The following PHACTR3 variants were observed in gnomAD, a reference collection of about 807,000 sequenced individuals.
PHACTR3 encodes the protein phosphatase and actin regulator 3, also known as protein phosphatase 1, regulatory subunit 123.
In PHACTR3, 16 loss-of-function variants were observed where a neutral mutation model predicts 66.8. The observed-to-expected ratio is 0.24, with a 90% CI of 0.16 to 0.36. The LOEUF (loss-of-function observed/expected upper bound fraction) is 0.36. PHACTR3 is among the 10% of genes least tolerant of loss of function. The probability of loss-of-function intolerance (pLI) is 1.00; values close to 1 mark genes in which losing one functional copy is unlikely to be tolerated. For synonymous variants in PHACTR3, 323 were observed against 292.1 expected, an observed-to-expected ratio of 1.11 and a Z score of -1.08; for missense variants, 647 against 719.9, an observed-to-expected ratio of 0.90 and a Z score of 1.16.
chr20:59,643,901 C>T (rs2035190647), intron 1 of PHACTR3, among the ~76,000 whole-genome samples: 1 of 152,172 alleles, frequency 6.6e-6, no homozygotes, highest in Admixed American at 6.5e-5. Flanking sequence ...GGCAGGCATT[C>T]GGTCCTGCTT....
chr20:59,677,475 A>G (rs2036489625), intron 1 of PHACTR3, among the ~76,000 whole-genome samples: 1 of 152,190 alleles, frequency 6.6e-6, no homozygotes, highest in African/African-American at 2.4e-5. Flanking sequence ...GTTGGGGCCC[A>G]AGAAGGCGAT....
chr20:59,677,321 G>A (rs1223411936), intron 1 of PHACTR3, among the ~76,000 whole-genome samples: 1 of 152,164 alleles, frequency 6.6e-6, no homozygotes, highest in Non-Finnish European at 1.5e-5. Context: ...GTCCTTCCGG[G>A]ATCTCCACCA....
chr20:59,591,527 G>A (rs372957640), intron 1 of PHACTR3, among the ~76,000 whole-genome samples: 10 of 152,158 alleles, frequency 6.6e-5, no homozygotes, highest in South Asian at 2.1e-4. Flanking sequence ...ACCAGGGACC[G>A]CTTTGTGGCA....
upstream of PHACTR3, among the ~76,000 whole-genome samples, chr20:59,602,428 CA>C (rs2033505346): frequency 1.4e-5 from 1 of 69,630 alleles, no homozygotes; most frequent in Non-Finnish European, 3.0e-5. Flanking sequence ...GAAAACAGAG[CA>C]AAACTCTTTC....
chr20:59,839,173 G>C lies in PHACTR3; in HGVS notation c.1385-1196G>C, dbSNP rs1040902847. On this transcript the variant is annotated intron_variant, in intron 9 of 12. Coordinates refer to ENST00000371015, the MANE Select transcript of PHACTR3 (RefSeq NM_080672.5). ...AATCCCTCATGGCTTGCCTTGTCTG[G>C]ACACTTTCACAATGTCTCTCTAATT... Among the ~76,000 whole-genome samples the C allele has an allele frequency of 5.9e-5, 9 of 152,094 alleles. No individual in the cohort carries two copies. In the East Asian group the frequency reaches 1.7e-3, roughly 29 times the overall value.
rs540234569 is a variant in PHACTR3 at position 59,738,947 on chromosome 20, T to G, written c.119-4160T>G. ...AGGACAGCAGGCTTTCCCAGGGCCA[T>G]GTGGAGTCACAGTCTTGCTCCCATC... On this transcript the variant is annotated intron_variant, in intron 1 of 12. Coordinates refer to ENST00000371015, the MANE Select transcript of PHACTR3 (RefSeq NM_080672.5). This position sits in a 1 kb window ranked among gnomAD's most constrained non-coding sequence, Gnocchi z 4.4. Among the ~76,000 whole-genome samples the G allele has an allele frequency of 1.1e-4, 17 of 152,154 alleles. No homozygotes were observed. Among genetic ancestry groups the G allele is most frequent in the African/African-American group, 3.9e-4 (16 of 41,546 alleles).
chr20:59,785,843 C>T (rs1273132396), intron 7 of PHACTR3, among the ~76,000 whole-genome samples: 4 of 117,984 alleles, frequency 3.4e-5, no homozygotes, highest in African/African-American at 6.4e-5. Flanking sequence ...TGTTTTCCAG[C>T]AGCCCTCTGC....
intron 1 of PHACTR3, among the ~76,000 whole-genome samples, chr20:59,578,818 C>G (rs1416601809): frequency 6.6e-6 from 1 of 152,212 alleles, no homozygotes; most frequent in Non-Finnish European, 1.5e-5. Context: ...GCCAGGCCTT[C>G]TGTGGTGCCC....
chr20:59,806,325 C>A, intron 8 of PHACTR3, 131 bp downstream of exon 8: 1 of 1,203,074 alleles, frequency 8.3e-7, no homozygotes, highest in Non-Finnish European at 1.2e-6. Context: ...TCTCTTGACC[C>A]CGCCACCGTT....
chr20:59,613,106 A>G (rs1180965685), intron 1 of PHACTR3, among the ~76,000 whole-genome samples: 1 of 152,234 alleles, frequency 6.6e-6, no homozygotes, highest in African/African-American at 2.4e-5. Flanking sequence ...TTCCATTTCA[A>G]CATGAGATTT....
At chr20:59,644,884 C>T (rs1179423396) in intron 1 of PHACTR3, among the ~76,000 whole-genome samples, 3 of 152,070 alleles carry the variant, frequency 2.0e-5, no homozygotes, top group Non-Finnish European at 4.4e-5. Flanking sequence ...ATTTTAGGTT[C>T]TGGAGGTACA....
intron 1 of PHACTR3, among the ~76,000 whole-genome samples, chr20:59,583,779 G>A (rs1018255709): frequency 2.0e-5 from 3 of 152,242 alleles, no homozygotes; most frequent in South Asian, 2.1e-4. Context: ...CAGGGTTTGC[G>A]TTGTGGGCTT....
At chr20:59,711,430 T>C (rs931952681) in intron 1 of PHACTR3, among the ~76,000 whole-genome samples, 1 of 152,194 alleles carries the variant, frequency 6.6e-6, no homozygotes, top group African/African-American at 2.4e-5. Context: ...TCTTTTCCAA[T>C]CTGATGAGTT....
At chr20:59,705,102 G>T (rs978450200) in intron 1 of PHACTR3, among the ~76,000 whole-genome samples, 1 of 151,862 alleles carries the variant, frequency 6.6e-6, no homozygotes, top group Non-Finnish European at 1.5e-5. Flanking sequence ...GATTACAGGT[G>T]TGCACCACCA....
chr20:59,661,686 G>C (rs1210992607), intron 1 of PHACTR3, among the ~76,000 whole-genome samples: 1 of 151,664 alleles, frequency 6.6e-6, no homozygotes, highest in Non-Finnish European at 1.5e-5. Flanking sequence ...TGTGGCCAGA[G>C]ATGCCAATAC....
At chr20:59,803,684 A>T (rs1292016576) in intron 7 of PHACTR3, among the ~76,000 whole-genome samples, 2 of 152,220 alleles carry the variant, frequency 1.3e-5, no homozygotes, top group Admixed American at 1.3e-4. Flanking sequence ...TTCAGATGGA[A>T]CAGATGCATC....
chr20:59,834,562 G>T (rs1568869547), intron 8 of PHACTR3, among the ~76,000 whole-genome samples: 1 of 152,208 alleles, frequency 6.6e-6, no homozygotes, highest in African/African-American at 2.4e-5. Flanking sequence ...TCTCTCAGAA[G>T]TTTCCTCTTC....
intron 7 of PHACTR3, among the ~76,000 whole-genome samples, chr20:59,788,184 A>G (rs1379991185): frequency 1.3e-5 from 2 of 152,126 alleles, no homozygotes; most frequent in African/African-American, 4.8e-5. Flanking sequence ...GCTCCCACAC[A>G]TAAGTGAGAA....
intron 1 of PHACTR3, among the ~76,000 whole-genome samples, chr20:59,722,339 G>A (rs2038347758): frequency 6.6e-6 from 1 of 152,188 alleles, no homozygotes; most frequent in Non-Finnish European, 1.5e-5. Context: ...GGGCATTCAG[G>A]GGTGAGGAGT....
Sources: gnomAD v4.1 joint callset for allele counts (sites outside exome capture counted in the v4.1 genomes callset) on GRCh38, gnomAD v4.1.1 for gene constraint, Gnocchi (gnomAD v3.1) non-coding constraint, MANE v1.5 for transcripts, NCBI Gene and HGNC (gene_info 2026-07-23, HGNC 2026-07-21) for gene names.